SVIL: variants seen among roughly 807,000 people sequenced by gnomAD.
The protein encoded by SVIL is supervillin.
A neutral mutation model predicts 240.4 loss-of-function variants in SVIL; 101 were observed. The observed-to-expected ratio is 0.42, with a 90% CI of 0.36 to 0.50. SVIL has a LOEUF of 0.50. Ranked by LOEUF, SVIL falls within the 20% of genes least tolerant of loss-of-function variation. The pLI, the probability that SVIL is intolerant of heterozygous loss-of-function variation, is 0.01. For missense variants in SVIL, 2,512 were observed against 2,818.7 expected, an observed-to-expected ratio of 0.89 and a Z score of 2.46; for synonymous variants, 999 against 1,100.0, an observed-to-expected ratio of 0.91 and a Z score of 1.82.
intron 1 of SVIL, among the ~76,000 whole-genome samples, chr10:29,708,408 G>T (rs559205872): frequency 1.3e-5 from 2 of 151,902 alleles, no homozygotes; most frequent in Non-Finnish European, 2.9e-5. Flanking sequence ...ATCACCTGAG[G>T]TCAGGAGTTC....
chr10:29,557,037 T>A (rs1330419685), intron 3 of SVIL, among the ~76,000 whole-genome samples: 2 of 151,942 alleles, frequency 1.3e-5, no homozygotes, highest in Admixed American at 1.3e-4. Flanking sequence ...GGGTCCTGAG[T>A]AGCATAATCA....
chr10:29,669,714 T>TGATGGA (rs2133055324), intron 2 of SVIL, among the ~76,000 whole-genome samples: 1 of 152,216 alleles, frequency 6.6e-6, no homozygotes, highest in Admixed American at 6.5e-5. Context: ...AAGGTGCCGT[T>TGATGGA]GATGGAGATG....
intron 17 of SVIL, chr10:29,507,691 T>C: frequency 1.1e-6 from 1 of 899,422 alleles, no homozygotes; most frequent in Non-Finnish European, 1.3e-6. Flanking sequence ...CTTTTCCTAT[T>C]GCTCAGAAAT....
At chr10:29,461,867 T>A (rs1486160587) in intron 36 of SVIL, among the ~76,000 whole-genome samples, 1 of 152,164 alleles carries the variant, frequency 6.6e-6, no homozygotes. Context: ...TTCATCAGAT[T>A]TCGTTTGTGT....
chr10:29,555,240 T>C, intron 3 of SVIL, 132 bp from the exon 4 acceptor site: 8 of 895,792 alleles, frequency 8.9e-6, no homozygotes, highest in Non-Finnish European at 1.3e-5. Flanking sequence ...CATGCAAAAC[T>C]GACCAAGTTC....
intron 3 of SVIL, among the ~76,000 whole-genome samples, chr10:29,643,535 C>T (rs1266220196): frequency 6.6e-6 from 1 of 152,156 alleles, no homozygotes; most frequent in Non-Finnish European, 1.5e-5. Flanking sequence ...TTGTGGCCTT[C>T]TGTACCATGG....
At position 29,524,699 on chromosome 10, in the gene SVIL, G is replaced by A; in HGVS notation, c.2359C>T (p.His787Tyr). ...VQPARLQASA[H>Y]QKALAKDQTN... ...TGGTCCTTGGCTAAGGCCTTTTGGT[G>A]AGCAGAGGCCTGCAATCTGAAAAAA... Residue 787 changes from histidine to tyrosine, a missense_variant, in exon 14 of 38, where the codon CAC (histidine) becomes TAC (tyrosine). Physicochemically the swap from His to Tyr is moderately conservative, Grantham distance 83. Transcript: ENST00000355867. 6.2e-7 allele frequency: 1 copy of A among 1,614,056 alleles called. No homozygotes were observed. The highest frequency in any genetic ancestry group is 8.5e-7 in the Non-Finnish European group (1 of 1,179,994).
At chr10:29,563,345 G>A (rs753591488) in intron 2 of SVIL, 53 bp from the exon 3 acceptor site, 8 of 836,436 alleles carry the variant, frequency 9.6e-6, no homozygotes, top group Non-Finnish European at 1.0e-5. Flanking sequence ...AGATATATAA[G>A]TGAAAAAATG....
chr10:29,508,387 T>C, intron 17 of SVIL: 1 of 1,289,400 alleles, frequency 7.8e-7, no homozygotes, highest in South Asian at 1.2e-5. Flanking sequence ...CTCCTCCTTC[T>C]TCCTACAGGT....
rs16930387 is a variant in SVIL, at chr10:29,532,308, G to A, written c.1839-136C>T. On this transcript the variant is annotated intron_variant, in intron 8 of 37. Coordinates refer to ENST00000355867, the MANE Select transcript of SVIL (RefSeq NM_021738.3). ...CCCTCTTCATGCCTCTACCATGCAC[G>A]TAAGGAAGGAGACATTCCAGACACC... The A allele has an allele frequency of 1.2e-3, 1,463 of 1,248,900 alleles. 18 individuals are homozygous for A. In the African/African-American group the frequency reaches 0.019, roughly 17 times the overall value. The allele number at this position is 1,248,900 out of a possible 1,614,324, so 77.4% of individuals were successfully genotyped here.
chr10:29,511,564 G>T lies in SVIL; in HGVS notation c.3516+1171C>A, dbSNP rs567109637. On this transcript the variant is annotated intron_variant, in intron 17 of 37. Coordinates refer to ENST00000355867, the MANE Select transcript of SVIL (RefSeq NM_021738.3). ...GGTAGCAGGGATACATAATTTGACA[G>T]ATGGATTTTCACTTCAGGATCACAT... Among the ~76,000 whole-genome samples, 460 of 151,848 alleles carry T rather than the reference G, an allele frequency of 3.0e-3. 1 individual carries two copies. Among genetic ancestry groups the T allele is most frequent in the African/African-American group, 0.011 (433 of 41,156 alleles).
rs1958041312 is a variant in SVIL, at chr10:29,630,437, GT to G, written c.-201+3982del. Among the ~76,000 whole-genome samples the G allele has an allele frequency of 2.0e-5, 3 of 152,150 alleles. No individual in the cohort carries two copies. The South Asian group carries it at 6.2e-4, about 32-fold the overall frequency. ...CTTTCAAAACCTCCTACAATAGGGAGTGTCTCTAAGAGGGACAGAGATCTCT... is the reference window on the plus strand; with the variant it reads ...CTTTCAAAACCTCCTACAATAGGGAGGTCTCTAAGAGGGACAGAGATCTCT... On this transcript the variant is annotated intron_variant, in intron 1 of 37. Coordinates refer to ENST00000355867, the MANE Select transcript of SVIL (RefSeq NM_021738.3).
chr10:29,534,090 G>A (rs1421117268), intron 7 of SVIL, among the ~76,000 whole-genome samples: 2 of 152,198 alleles, frequency 1.3e-5, no homozygotes, highest in Non-Finnish European at 2.9e-5. Context: ...GCATCATTAT[G>A]AATAATTCTA....
At chr10:29,714,948 T>TAAAAAAAAAAAAA (rs61107910) in intron 1 of SVIL, among the ~76,000 whole-genome samples, 1 of 78,454 alleles carries the variant, frequency 1.3e-5, no homozygotes, top group Non-Finnish European at 2.6e-5. Flanking sequence ...TGTCTGAAAT[T>TAAAAAAAAAAAAA]AAAAAAAAAA....
At chr10:29,655,031 C>T (rs1958954493) in intron 3 of SVIL, among the ~76,000 whole-genome samples, 1 of 152,202 alleles carries the variant, frequency 6.6e-6, no homozygotes, top group Non-Finnish European at 1.5e-5. Context: ...AACACCCTCA[C>T]AGACACACGC....
chr10:29,490,013 C>T (rs539634606), intron 22 of SVIL, among the ~76,000 whole-genome samples: 64 of 152,154 alleles, frequency 4.2e-4, no homozygotes, highest in Non-Finnish European at 7.8e-4. Flanking sequence ...ATGCTATCAC[C>T]TCAAACCAAG....
chr10:29,493,528 G>C, intron 20 of SVIL, 137 bp from the exon 21 acceptor site: 1 of 948,792 alleles, frequency 1.1e-6, no homozygotes, highest in Non-Finnish European at 1.5e-6. Context: ...ACAGGGTCCT[G>C]TGGTTGCTTC....
intron 29 of SVIL, among the ~76,000 whole-genome samples, chr10:29,479,070 A>C (rs565167760): frequency 2.4e-4 from 36 of 152,078 alleles, no homozygotes; most frequent in African/African-American, 7.7e-4. Context: ...CCTGCTGTTT[A>C]AGAAGCCCCT....
intron 29 of SVIL, among the ~76,000 whole-genome samples, chr10:29,479,838 C>T (rs61848917): frequency 0.062 from 9,462 of 152,250 alleles, 347 homozygotes; most frequent in South Asian, 0.095. Context: ...GACCTGCATG[C>T]TCTCCTAAAT....
Sources: allele counts gnomAD v4.1 joint callset (sites outside exome capture counted in the v4.1 genomes callset), GRCh38; gene constraint gnomAD v4.1.1; transcripts MANE v1.5; gene names NCBI Gene and HGNC (gene_info 2026-07-23, HGNC 2026-07-21).